The following PLPP4 variants were observed in gnomAD, a reference collection of about 807,000 sequenced individuals.
PLPP4 encodes the protein diacylglycerol pyrophosphate like 2.
PLPP4 carries 20 observed loss-of-function variants against 32.2 expected under a neutral mutation model. The observed-to-expected ratio is 0.62, with a 90% CI of 0.44 to 0.90. The LOEUF is 0.90. Ranked by LOEUF, PLPP4 falls within the 40% of genes least tolerant of loss-of-function variation. The probability of loss-of-function intolerance (pLI) is 0.00; values close to 1 mark genes in which losing one functional copy is unlikely to be tolerated. For missense variants in PLPP4, 257 were observed against 353.1 expected, an observed-to-expected ratio of 0.73 and a Z score of 2.18; for synonymous variants, 127 against 133.0, an observed-to-expected ratio of 0.95 and a Z score of 0.31.
intron 5 of PLPP4, among the ~76,000 whole-genome samples, chr10:120,557,834 A>G (rs949780042): frequency 2.0e-5 from 3 of 152,172 alleles, no homozygotes; most frequent in African/African-American, 7.2e-5. Context: ...GACCAAATGA[A>G]TGGCTGCATA....
At chr10:120,527,276 T>G (rs572872832) in intron 5 of PLPP4, among the ~76,000 whole-genome samples, 1 of 152,242 alleles carries the variant, frequency 6.6e-6, no homozygotes, top group East Asian at 1.9e-4. Flanking sequence ...TGATGTTACA[T>G]TGTTGACCCC....
At chr10:120,566,716 G>A (rs1490705336) in intron 5 of PLPP4, among the ~76,000 whole-genome samples, 2 of 151,878 alleles carry the variant, frequency 1.3e-5, no homozygotes, top group African/African-American at 2.4e-5. Context: ...CACCACGCCC[G>A]GCTAATTTTT....
chr10:120,490,747 G>C (rs1444866277), intron 1 of PLPP4, among the ~76,000 whole-genome samples: 1 of 152,180 alleles, frequency 6.6e-6, no homozygotes, highest in Non-Finnish European at 1.5e-5. Context: ...GTGAGATCTC[G>C]AGGGAGCAGC....
intron 1 of PLPP4, among the ~76,000 whole-genome samples, chr10:120,494,535 T>C (rs1844874604): frequency 6.6e-6 from 1 of 152,186 alleles, no homozygotes; most frequent in East Asian, 1.9e-4. Context: ...TAAGCCTCAG[T>C]CTTTGCATCT....
At chr10:120,483,023 TA>T (rs1323701946) in intron 1 of PLPP4, among the ~76,000 whole-genome samples, 2 of 152,186 alleles carry the variant, frequency 1.3e-5, no homozygotes, top group Middle Eastern at 3.2e-3. Flanking sequence ...AATCAGCTGC[TA>T]GTGTGGCTAG....
In PLPP4 at chr10:120,575,191, C is replaced by G; in HGVS notation, c.506C>G (p.Thr169Ser). ...FYLAGKLHCF[T>S]ESGRGKSWRL... is the part of the protein sequence containing the mutation. ...TTGGCGGGCAAGCTGCACTGCTTCA[C>G]CGAGAGTGGGCGGGGAAAGAGCTGG... The change falls in exon 6 of 7, where the codon ACC (threonine) becomes AGC (serine). Residue 169 changes from threonine to serine, a missense_variant. Transcript: ENST00000398250. 4.3e-6 allele frequency: 7 copies of G among 1,614,018 alleles called. No homozygotes were observed. Among genetic ancestry groups the G allele is most frequent in the Non-Finnish European group, 5.9e-6 (7 of 1,180,030 alleles).
At chr10:120,588,240 C>G (rs373464346) in intron 6 of PLPP4, among the ~76,000 whole-genome samples, 5 of 152,190 alleles carry the variant, frequency 3.3e-5, no homozygotes, top group African/African-American at 9.7e-5. Flanking sequence ...AGATACTAAG[C>G]GAGAGTTGTT....
At chr10:120,459,906 C>T (rs767539287) in intron 1 of PLPP4, among the ~76,000 whole-genome samples, 1 of 152,110 alleles carries the variant, frequency 6.6e-6, no homozygotes, top group Non-Finnish European at 1.5e-5. Flanking sequence ...TTTGGGCCCA[C>T]GGGTAGTAGG....
chr10:120,504,298 C>T (rs1845397004), intron 2 of PLPP4, among the ~76,000 whole-genome samples: 1 of 152,222 alleles, frequency 6.6e-6, no homozygotes, highest in African/African-American at 2.4e-5. Context: ...GTCCCTGCTA[C>T]TGTGTCCCGT....
chr10:120,469,679 C>T lies in PLPP4; in HGVS notation c.56+12318C>T, dbSNP rs574621220. Among the ~76,000 whole-genome samples, 7 of 152,248 alleles carry T rather than the reference C, an allele frequency of 4.6e-5. No individual in the cohort carries two copies. The South Asian group carries it at 1.5e-3, about 32-fold the overall frequency. On this transcript the variant is annotated intron_variant, in intron 1 of 6. Transcript: ENST00000398250. ...TTAAAGCAATACAAAAAGTATAAGG[C>T]TCCTGGAACCACTTCAACTTTCTCT...
chr10:120,514,734 T>C (rs2133893873), intron 3 of PLPP4, among the ~76,000 whole-genome samples: 1 of 152,274 alleles, frequency 6.6e-6, no homozygotes, highest in East Asian at 1.9e-4. Flanking sequence ...GCAAACAAAA[T>C]AAACTAACCT....
chr10:120,466,176 A>G (rs1288409880), intron 1 of PLPP4, among the ~76,000 whole-genome samples: 1 of 152,170 alleles, frequency 6.6e-6, no homozygotes, highest in Non-Finnish European at 1.5e-5. Flanking sequence ...ACCTTGTAGA[A>G]AGCATGTAAT....
intron 5 of PLPP4, among the ~76,000 whole-genome samples, chr10:120,567,228 G>A (rs1297752315): frequency 2.6e-5 from 4 of 152,152 alleles, no homozygotes; most frequent in Admixed American, 2.6e-4. Context: ...GGAATTATTA[G>A]GTATTCTTGT....
chr10:120,480,618 A>G (rs1470326925), intron 1 of PLPP4, among the ~76,000 whole-genome samples: 1 of 152,248 alleles, frequency 6.6e-6, no homozygotes, highest in Non-Finnish European at 1.5e-5. Context: ...GCCACCAATG[A>G]CGGGAGAGGA....
chr10:120,590,375 T>C lies in PLPP4; in HGVS notation c.*873T>C, dbSNP rs960501302. Among the ~76,000 whole-genome samples, 2 of 151,860 alleles carry C rather than the reference T, an allele frequency of 1.3e-5. No homozygotes were observed. The highest frequency in any genetic ancestry group is 2.4e-5 in the African/African-American group (1 of 41,400). On this transcript the variant is annotated 3_prime_UTR_variant, in exon 7 of 7. Transcript: ENST00000398250. ...TCTCAAGGGAGTGGCTGAGTGGCCATTGGGGATAAGAAGCAACTTCAGGCT... is the reference window on the plus strand; with the variant it reads ...TCTCAAGGGAGTGGCTGAGTGGCCACTGGGGATAAGAAGCAACTTCAGGCT...
chr10:120,581,960 T>C (rs1281951844), intron 6 of PLPP4, among the ~76,000 whole-genome samples: 1 of 152,224 alleles, frequency 6.6e-6, no homozygotes, highest in East Asian at 1.9e-4. Flanking sequence ...ATGAGATCTT[T>C]GTTGCACCTA....
intron 6 of PLPP4, among the ~76,000 whole-genome samples, chr10:120,588,798 C>A (rs1241432893): frequency 6.6e-6 from 1 of 152,194 alleles, no homozygotes; most frequent in Non-Finnish European, 1.5e-5. Context: ...GTAATCCCAG[C>A]GCTTTGGGAG....
intron 5 of PLPP4, among the ~76,000 whole-genome samples, chr10:120,569,801 C>T (rs1347859704): frequency 2.0e-5 from 3 of 152,226 alleles, no homozygotes; most frequent in Admixed American, 2.0e-4. Flanking sequence ...TTGGGCATTA[C>T]ATATCGGGTG....
At position 120,591,689 on chromosome 10, in the gene PLPP4, G is replaced by A. The variant is rs1849998102; in HGVS notation, c.*2187G>A. On this transcript the variant is annotated 3_prime_UTR_variant, in exon 7 of 7. Transcript: ENST00000398250. Reference sequence around the variant, plus strand: ...TAGTTTTATCTGAGCAAGAGGAAAGGAAAAGGGTTGTACTTCAGTTAATAA... The same window carrying A: ...TAGTTTTATCTGAGCAAGAGGAAAGAAAAAGGGTTGTACTTCAGTTAATAA... 6.6e-6 allele frequency among the ~76,000 whole-genome samples: 1 copy of A among 151,732 alleles called. No homozygotes were observed. The highest frequency in any genetic ancestry group is 1.5e-5 in the Non-Finnish European group (1 of 67,978).
Sources: gnomAD v4.1 joint callset for allele counts (sites outside exome capture counted in the v4.1 genomes callset) on GRCh38, gnomAD v4.1.1 for gene constraint, MANE v1.5 for transcripts, NCBI Gene and HGNC (gene_info 2026-07-23, HGNC 2026-07-21) for gene names.